The following WDR20 variants were observed in gnomAD, a reference collection of about 807,000 sequenced individuals.
WDR20 encodes the protein WD repeat domain 20.
In WDR20, 3 loss-of-function variants were observed where a neutral mutation model predicts 38.7. The ratio of observed to expected loss-of-function variants is 0.08; its 90% CI spans 0.04 to 0.20. The LOEUF (loss-of-function observed/expected upper bound fraction) is 0.20, where lower values mean the gene tolerates loss of function less well. Among genes scored for constraint, WDR20 ranks in the 10% least tolerant of loss-of-function variants. The pLI is 1.00. For synonymous variants in WDR20, 298 were observed against 285.6 expected (o/e 1.04, Z -0.44); for missense variants, 559 against 727.7 (o/e 0.77, Z 2.67).
chr14:102,213,375 G>C (rs2062799312), downstream of WDR20: 1 of 985,442 alleles, frequency 1.0e-6, no homozygotes, highest in Non-Finnish European at 1.2e-6. Context: ...CTTAAATCAT[G>C]GTAAAGGATC....
intron 1 of WDR20, among the ~76,000 whole-genome samples, chr14:102,176,081 C>T (rs980801536): frequency 7.2e-5 from 11 of 152,136 alleles, no homozygotes; most frequent in Non-Finnish European, 1.5e-4. Context: ...GCTAGGACTT[C>T]CAGAACTATG....
At chr14:102,188,527 A>G (rs2065448268) in intron 1 of WDR20, among the ~76,000 whole-genome samples, 1 of 152,150 alleles carries the variant, frequency 6.6e-6, no homozygotes, top group Non-Finnish European at 1.5e-5. Flanking sequence ...CATTAGTGCC[A>G]TGCTAAACTG....
rs1349206771 is a variant in WDR20, at chr14:102,220,707, G to A, written c.1693-2123G>A. 7.6e-6 allele frequency among the ~76,000 whole-genome samples: 1 copy of A among 132,088 alleles called. No individual in the cohort carries two copies. The highest frequency in any genetic ancestry group is 1.6e-5 in the Non-Finnish European group (1 of 63,426). 86.7% of individuals were successfully genotyped at this position (132,088 alleles called of 152,430 possible). ...TGCACTCCAGCCTGGACAACAAAGT[G>A]AGACTCCGTCTCAAAAAAAAAAAAA... On this transcript the variant is annotated intron_variant, in intron 3 of 3. Coordinates refer to the WDR20 transcript ENST00000335263. The surrounding 1 kb of genome is among the most constrained non-coding windows in gnomAD (Gnocchi z 4.2).
chr14:102,173,260 G>T (rs960114912), intron 1 of WDR20, among the ~76,000 whole-genome samples: 1 of 150,930 alleles, frequency 6.6e-6, no homozygotes, highest in African/African-American at 2.4e-5. Context: ...CTACAGGCTT[G>T]TGCCACCATG....
chr14:102,198,292 A>AT, intron 2 of WDR20: 1 of 346,790 alleles, frequency 2.9e-6, no homozygotes. Flanking sequence ...TAATTTTTGT[A>AT]TTTTTAGTAG....
chr14:102,222,777 G>C lies in WDR20; in HGVS notation c.1693-53G>C. ...CTGCTGGCGGAGGGCGCGCATGGTGGCTGTTGCCCGTCCGGTGTTTTGCTG... is the reference window on the plus strand; with the variant it reads ...CTGCTGGCGGAGGGCGCGCATGGTGCCTGTTGCCCGTCCGGTGTTTTGCTG... On this transcript the variant is annotated intron_variant, in intron 3 of 3. Coordinates refer to the WDR20 transcript ENST00000335263. The surrounding 1 kb of genome is among the most constrained non-coding windows in gnomAD (Gnocchi z 4.4). 1.9e-6 allele frequency: 3 copies of C among 1,606,730 alleles called. No homozygotes were observed. The highest frequency in any genetic ancestry group is 2.6e-6 in the Non-Finnish European group (3 of 1,173,664).
At position 102,222,008 on chromosome 14, in the gene WDR20, T is replaced by C. The variant is rs572722487; in HGVS notation, c.1693-822T>C. On this transcript the variant is annotated intron_variant, in intron 3 of 3. Transcript: ENST00000335263. This position sits in a 1 kb window ranked among gnomAD's most constrained non-coding sequence, Gnocchi z 4.4. ...AGTAAATGCAAAGAAATGGAAGTACTCTTTGCTGTGTAGGAGGTTAAACCC... is the reference window on the plus strand; with the variant it reads ...AGTAAATGCAAAGAAATGGAAGTACCCTTTGCTGTGTAGGAGGTTAAACCC... Among the ~76,000 whole-genome samples the C allele has an allele frequency of 1.3e-5, 2 of 152,314 alleles. No homozygotes were observed. The highest frequency in any genetic ancestry group is 4.8e-5 in the African/African-American group (2 of 41,550).
intron 1 of WDR20, among the ~76,000 whole-genome samples, chr14:102,160,668 C>A (rs561850789): frequency 6.6e-6 from 1 of 151,752 alleles, no homozygotes; most frequent in African/African-American, 2.4e-5. Context: ...AATGGCCGGG[C>A]GCGGTGGCTC....
chr14:102,224,369 A>G (rs1341155158), downstream of WDR20: 1 of 350,408 alleles, frequency 2.9e-6, no homozygotes, highest in Non-Finnish European at 5.5e-6. Context: ...CTTGGTTGAA[A>G]CCAGCTCGTG....
intron 1 of WDR20, chr14:102,193,431 T>G: frequency 1.2e-6 from 2 of 1,605,612 alleles, no homozygotes; most frequent in Non-Finnish European, 1.7e-6. Flanking sequence ...CAAGGCTCTT[T>G]CATGTATATA....
chr14:102,161,142 A>ATATATATATATATATATATATATTTT (rs1342924049), intron 1 of WDR20, among the ~76,000 whole-genome samples: 1 of 16,048 alleles, frequency 6.2e-5, no homozygotes, highest in Non-Finnish European at 9.5e-5. Flanking sequence ...ATATATATAT[A>ATATATATATATATATATATATATTTT]TTTTTTTTTT....
chr14:102,184,070 T>C (rs1361175624), intron 1 of WDR20, among the ~76,000 whole-genome samples: 1 of 152,264 alleles, frequency 6.6e-6, no homozygotes, highest in Non-Finnish European at 1.5e-5. Flanking sequence ...CGTATTCCTA[T>C]ACATATTTAA....
At chr14:102,151,641 G>A (rs1378943886) in intron 1 of WDR20, among the ~76,000 whole-genome samples, 1 of 151,722 alleles carries the variant, frequency 6.6e-6, no homozygotes, top group Non-Finnish European at 1.5e-5. Context: ...TTCCTTCCTT[G>A]GCCTCCCAAA....
rs116645217 is a variant in WDR20, at chr14:102,182,593, G to A, written c.250-12345G>A. 4.6e-3 allele frequency among the ~76,000 whole-genome samples: 694 copies of A among 152,186 alleles called. 6 individuals are homozygous for A. Among genetic ancestry groups the A allele is most frequent in the African/African-American group, 0.015 (643 of 41,518 alleles). On this transcript the variant is annotated intron_variant, in intron 1 of 2. Transcript: ENST00000342702. The stretch of plus-strand genomic sequence containing the variant: ...TATTGTGAATTTTACTGTTCATCAA[G>A]TCACAGATTTTTCTGTGACCCTAAT...
intron 1 of WDR20, 98 bp downstream of exon 1, chr14:102,140,270 G>A (rs1237828575): frequency 6.5e-7 from 1 of 1,532,292 alleles, no homozygotes; most frequent in East Asian, 2.4e-5. Flanking sequence ...AGGGGTGGCC[G>A]TCGCTCTTAC....
At position 102,195,132 on chromosome 14, in the gene WDR20, C is replaced by T. The variant is rs772756005; in HGVS notation, c.432+12C>T. 1 of 1,612,928 alleles carries T rather than the reference C, an allele frequency of 6.2e-7. No homozygotes were observed. The highest frequency in any genetic ancestry group is 8.5e-7 in the Non-Finnish European group (1 of 1,179,470). ...TTTTTAATGAGGAAGTAAGTAGCACCCTGTCTTAGCTGTTAAGAATCCCTT... is the reference window on the plus strand; with the variant it reads ...TTTTTAATGAGGAAGTAAGTAGCACTCTGTCTTAGCTGTTAAGAATCCCTT... On this transcript the variant is annotated intron_variant, in intron 2 of 2. Transcript: ENST00000342702.
intron 1 of WDR20, among the ~76,000 whole-genome samples, chr14:102,165,528 T>A (rs1481654389): frequency 6.6e-6 from 1 of 152,146 alleles, no homozygotes; most frequent in Non-Finnish European, 1.5e-5. Flanking sequence ...CTAAGTGTTG[T>A]TTGAGGAGCT....
intron 1 of WDR20, among the ~76,000 whole-genome samples, chr14:102,165,625 T>A (rs867409128): frequency 8.0e-5 from 12 of 150,394 alleles, no homozygotes; most frequent in Middle Eastern, 3.4e-3. Flanking sequence ...TGTTTCTTTT[T>A]CTTTTCTTTT....
intron 1 of WDR20, among the ~76,000 whole-genome samples, chr14:102,172,726 C>G (rs2061167847): frequency 6.7e-6 from 1 of 149,788 alleles, no homozygotes; most frequent in African/African-American, 2.5e-5. Context: ...CCCCACCTCC[C>G]TCCCGGACGG....
Sources: gnomAD v4.1 joint callset for allele counts (sites outside exome capture counted in the v4.1 genomes callset) on GRCh38, gnomAD v4.1.1 for gene constraint, Gnocchi (gnomAD v3.1) non-coding constraint, MANE v1.5 for transcripts, NCBI Gene and HGNC (gene_info 2026-07-23, HGNC 2026-07-21) for gene names.